ZNF730: variants seen among roughly 807,000 people sequenced by gnomAD.
ZNF730 encodes zinc finger protein 730, also known as putative zinc finger protein 730.
ZNF730 carries 12 observed loss-of-function variants against 12.6 expected under a neutral mutation model. The ratio of observed to expected loss-of-function variants is 0.95; its 90% confidence interval spans 0.61 to 1.54. The LOEUF is 1.54. Ranked by LOEUF, ZNF730 falls within the 40% of genes most tolerant of loss-of-function variation. The pLI is 0.00. For missense variants in ZNF730, 643 were observed against 583.5 expected, an observed-to-expected ratio of 1.10 and a Z score of -1.05; for synonymous variants, 194 against 195.8, an observed-to-expected ratio of 0.99 and a Z score of 0.08.
At chr19:23,103,335 G>A (rs1044415200) in intron 1 of ZNF730, among the ~76,000 whole-genome samples, 2 of 152,144 alleles carry the variant, frequency 1.3e-5, no homozygotes. Context: ...GGTACTACAT[G>A]GTTTTTCTGT....
At chr19:23,085,989 C>G (rs544642054) in intron 1 of ZNF730, among the ~76,000 whole-genome samples, 1 of 151,644 alleles carries the variant, frequency 6.6e-6, no homozygotes, top group Non-Finnish European at 1.5e-5. Flanking sequence ...GGATTACAGG[C>G]GCCTGCCACC....
chr19:23,079,532 T>C (rs766575463), intron 1 of ZNF730, among the ~76,000 whole-genome samples: 4 of 152,250 alleles, frequency 2.6e-5, no homozygotes, highest in African/African-American at 4.8e-5. Flanking sequence ...TTTGAATATA[T>C]ATAATTTTGT....
chr19:23,121,983 AT>A (rs1970605395), intron 1 of ZNF730, among the ~76,000 whole-genome samples: 1 of 152,174 alleles, frequency 6.6e-6, no homozygotes, highest in South Asian at 2.1e-4. Flanking sequence ...TAACAGCTAT[AT>A]AAACCTTTTG....
chr19:23,141,236 T>C (rs1345847620), intron 3 of ZNF730, among the ~76,000 whole-genome samples: 1 of 150,972 alleles, frequency 6.6e-6, no homozygotes. Flanking sequence ...ATACTAAAAA[T>C]ACAAAAAAAT....
intron 1 of ZNF730, among the ~76,000 whole-genome samples, chr19:23,109,589 A>G (rs1197212947): frequency 6.6e-6 from 1 of 151,682 alleles, no homozygotes; most frequent in African/African-American, 2.4e-5. Flanking sequence ...TTTAGTAGAG[A>G]TGGGGTTTCA....
intron 1 of ZNF730, chr19:23,095,156 TAA>T (rs1970227275): frequency 2.6e-6 from 1 of 385,038 alleles, no homozygotes; most frequent in Admixed American, 4.5e-5. Flanking sequence ...AGCACTGAGG[TAA>T]TGTGACTATC....
At chr19:23,089,095 C>T (rs1970114005) in intron 1 of ZNF730, among the ~76,000 whole-genome samples, 1 of 152,136 alleles carries the variant, frequency 6.6e-6, no homozygotes, top group Non-Finnish European at 1.5e-5. Context: ...TGGTCTCGAA[C>T]TCTCGACCTC....
At chr19:23,142,886 C>T (rs534689335) in intron 3 of ZNF730, among the ~76,000 whole-genome samples, 18 of 148,536 alleles carry the variant, frequency 1.2e-4, no homozygotes, top group Non-Finnish European at 2.2e-4. Context: ...ATTTCTTATT[C>T]TCTTTGTGTA....
chr19:23,093,267 C>T (rs1279257414), intron 1 of ZNF730, among the ~76,000 whole-genome samples: 3 of 152,204 alleles, frequency 2.0e-5, no homozygotes, highest in South Asian at 2.1e-4. Context: ...TGAGCCACTG[C>T]GCCCAGCCTG....
At chr19:23,098,202 G>T (rs976327105) in intron 1 of ZNF730, 5 of 151,998 alleles carry the variant, frequency 3.3e-5, no homozygotes, top group African/African-American at 7.3e-5. Context: ...CCTAGGTTAT[G>T]ATACTCTCTC....
Position 23,146,491 on chromosome 19 carries a change from A to G in ZNF730, c.1447A>G (p.Lys483Glu), listed in dbSNP as rs745998194. Residue 483 changes from lysine (K) to glutamate (E), a missense_variant, in exon 4 of 4, where the codon AAA (lysine) becomes GAA (glutamate). Coordinates refer to ENST00000597761, the MANE Select transcript of ZNF730 (RefSeq NM_001277403.2). ...IHSGEKIYKC[K>E]ECGKAFRRFS... is the part of the protein sequence containing the mutation. Reference sequence around the variant, plus strand: ...TTCTGGGGAAAAAATCTACAAATGTAAAGAATGTGGTAAAGCCTTTAGGCG... The same window carrying G: ...TTCTGGGGAAAAAATCTACAAATGTGAAGAATGTGGTAAAGCCTTTAGGCG... The G allele has an allele frequency of 3.0e-5, 48 of 1,602,048 alleles. 1 individual carries two copies. Among genetic ancestry groups the G allele is most frequent in the Admixed American group, 6.8e-5 (4 of 58,420 alleles).
At chr19:23,089,787 A>C (rs1970125375) in intron 1 of ZNF730, among the ~76,000 whole-genome samples, 1 of 152,222 alleles carries the variant, frequency 6.6e-6, no homozygotes, top group African/African-American at 2.4e-5. Context: ...TGCTGAAAAA[A>C]AATAACCGAA....
At chr19:23,141,837 T>C (rs1032158472) in intron 3 of ZNF730, among the ~76,000 whole-genome samples, 2 of 152,148 alleles carry the variant, frequency 1.3e-5, no homozygotes, top group African/African-American at 4.8e-5. Context: ...ATGGGTGCCC[T>C]CTATACCTTT....
intron 1 of ZNF730, among the ~76,000 whole-genome samples, chr19:23,077,424 CTTTTTTTTTTTT>C (rs71163442): frequency 6.6e-5 from 3 of 45,566 alleles, no homozygotes; most frequent in East Asian, 1.8e-3. Context: ...TCCCTAAGAG[CTTTTTTTTTTTT>C]TTTTTTTTTT....
intron 1 of ZNF730, among the ~76,000 whole-genome samples, chr19:23,121,819 G>A (rs1195808776): frequency 6.6e-6 from 1 of 152,116 alleles, no homozygotes; most frequent in Non-Finnish European, 1.5e-5. Context: ...CAGAGACTTG[G>A]CTGTTGTAGA....
chr19:23,110,023 G>A (rs1351623979), intron 1 of ZNF730, among the ~76,000 whole-genome samples: 1 of 150,842 alleles, frequency 6.6e-6, no homozygotes, highest in African/African-American at 2.4e-5. Context: ...CTAGGGTGCA[G>A]TGGTGTGATC....
chr19:23,077,284 G>A (rs1969879270), intron 1 of ZNF730, among the ~76,000 whole-genome samples: 1 of 152,068 alleles, frequency 6.6e-6, no homozygotes, highest in African/African-American at 2.4e-5. Context: ...ACACACCTAT[G>A]TAAAAAATGT....
chr19:23,077,602 C>G (rs541073682), intron 1 of ZNF730, among the ~76,000 whole-genome samples: 1 of 151,648 alleles, frequency 6.6e-6, no homozygotes, highest in Non-Finnish European at 1.5e-5. Context: ...CCAACACACC[C>G]GGCTAATTTT....
chr19:23,081,760 TTTTA>T (rs1969970138), intron 1 of ZNF730, among the ~76,000 whole-genome samples: 1 of 152,152 alleles, frequency 6.6e-6, no homozygotes, highest in Admixed American at 6.6e-5. Flanking sequence ...CAGCCTTATC[TTTTA>T]TTTATTTGTT....
Sources: gnomAD v4.1 joint callset for allele counts (sites outside exome capture counted in the v4.1 genomes callset) on GRCh38, gnomAD v4.1.1 for gene constraint, MANE v1.5 for transcripts, NCBI Gene and HGNC (gene_info 2026-07-23, HGNC 2026-07-21) for gene names.